The following NFIC variants were observed in gnomAD, a reference collection of about 807,000 sequenced individuals.
NFIC encodes the protein nuclear factor I C.
In NFIC, 12 loss-of-function variants were observed where a neutral mutation model predicts 54.4. The ratio of observed to expected loss-of-function variants is 0.22; its 90% CI spans 0.14 to 0.36. The LOEUF is 0.36. Among genes scored for constraint, NFIC ranks in the 10% least tolerant of loss-of-function variants. The pLI, the probability that NFIC is intolerant of heterozygous loss-of-function variation, is 1.00. For synonymous variants in NFIC, 322 were observed against 319.2 expected (o/e 1.01, Z -0.09); for missense variants, 575 against 718.2 (o/e 0.80, Z 2.28).
intron 9 of NFIC, among the ~76,000 whole-genome samples, chr19:3,454,772 C>T (rs2082526457): frequency 6.6e-6 from 1 of 151,534 alleles, no homozygotes; most frequent in Non-Finnish European, 1.5e-5. Flanking sequence ...AGACCCCCCA[C>T]CCCACCCAAG....
chr19:3,440,483 G>A (rs1034704557), intron 6 of NFIC, among the ~76,000 whole-genome samples: 3 of 151,628 alleles, frequency 2.0e-5, no homozygotes, highest in Admixed American at 2.0e-4. Flanking sequence ...CCAGGCTGGG[G>A]TGCAATGCGC....
chr19:3,389,757 T>C (rs1317019573), intron 2 of NFIC, among the ~76,000 whole-genome samples: 1 of 151,784 alleles, frequency 6.6e-6, no homozygotes, highest in Non-Finnish European at 1.5e-5. Flanking sequence ...CCCAGGCGGG[T>C]GGATCACCTG....
At chr19:3,438,800 G>C (rs995338056) in intron 6 of NFIC, among the ~76,000 whole-genome samples, 7 of 152,100 alleles carry the variant, frequency 4.6e-5, no homozygotes, top group African/African-American at 1.7e-4. Flanking sequence ...CTGAGGCCCT[G>C]GGGACACAGA....
At position 3,440,467 on chromosome 19, in the gene NFIC, G is replaced by A. The variant is rs903877821; in HGVS notation, c.958+5260G>A. 6.7e-5 allele frequency among the ~76,000 whole-genome samples: 10 copies of A among 149,992 alleles called. No individual in the cohort carries two copies. In the East Asian group the frequency reaches 1.8e-3, roughly 27 times the overall value. On this transcript the variant is annotated intron_variant, in intron 6 of 10. Coordinates refer to ENST00000443272, the MANE Select transcript of NFIC (RefSeq NM_001245002.2). Reference sequence around the variant, plus strand: ...TTTTGAGACGGAATCTCTCTCTGTCGCTCGCCCAGGCTGGGGTGCAATGCG... The same window carrying A: ...TTTTGAGACGGAATCTCTCTCTGTCACTCGCCCAGGCTGGGGTGCAATGCG...
chr19:3,436,464 C>T (rs2082205965), intron 6 of NFIC, among the ~76,000 whole-genome samples: 1 of 142,150 alleles, frequency 7.0e-6, no homozygotes, highest in South Asian at 2.3e-4. Flanking sequence ...ATGCCGGGCC[C>T]CTCTTATTTT....
chr19:3,425,209 C>T lies in NFIC; in HGVS notation c.634+32C>T, dbSNP rs567960274. ...CTGGGGGCAGCGTGGCGGTGAAGGGCGGAGGGCGCAGCCCTGTCCTCGTCT... is the reference window on the plus strand; with the variant it reads ...CTGGGGGCAGCGTGGCGGTGAAGGGTGGAGGGCGCAGCCCTGTCCTCGTCT... On this transcript the variant is annotated intron_variant, in intron 3 of 10. Coordinates refer to ENST00000443272, the MANE Select transcript of NFIC (RefSeq NM_001245002.2). 1.0e-5 allele frequency: 16 copies of T among 1,595,552 alleles called. No individual in the cohort carries two copies. The East Asian group carries it at 1.4e-4, about 13-fold the overall frequency.
chr19:3,404,363 C>T (rs1287221936), intron 2 of NFIC, among the ~76,000 whole-genome samples: 1 of 152,156 alleles, frequency 6.6e-6, no homozygotes, highest in Non-Finnish European at 1.5e-5. Flanking sequence ...TATTTTTAAC[C>T]TTGCTCCTCA....
chr19:3,361,395 G>T (rs866189746), intron 1 of NFIC, among the ~76,000 whole-genome samples: 1 of 152,140 alleles, frequency 6.6e-6, no homozygotes, highest in African/African-American at 2.4e-5. Context: ...ACCGGGACTG[G>T]TCCCGCAGTC....
At chr19:3,385,043 C>T (rs1290026215) in intron 2 of NFIC, among the ~76,000 whole-genome samples, 1 of 144,436 alleles carries the variant, frequency 6.9e-6, no homozygotes, top group East Asian at 2.2e-4. Context: ...CCCGCCTCTG[C>T]TCAGCAGGCA....
chr19:3,450,154 G>C (rs1029164189), intron 7 of NFIC, among the ~76,000 whole-genome samples: 2 of 151,388 alleles, frequency 1.3e-5, no homozygotes, highest in African/African-American at 4.9e-5. Flanking sequence ...GACCATCCTG[G>C]CTAACATGGT....
chr19:3,372,098 G>A (rs551987564), intron 1 of NFIC, among the ~76,000 whole-genome samples: 2 of 141,948 alleles, frequency 1.4e-5, no homozygotes, highest in East Asian at 2.2e-4. Flanking sequence ...TCAGCTCACT[G>A]CAACCTCCGC....
rs143359349 is a variant in NFIC at position 3,464,075 on chromosome 19, GC to G, written c.*1312del. On this transcript the variant is annotated 3_prime_UTR_variant, in exon 11 of 11. Coordinates refer to ENST00000443272, the MANE Select transcript of NFIC (RefSeq NM_001245002.2). The stretch of plus-strand genomic sequence containing the variant: ...GGGTGGGCTCTGGGGAAGCCGGTGC[GC>G]CCCCCACGCCTCCGCTGCCAGTGCC... 7 of 984,848 alleles carry G rather than the reference GC, an allele frequency of 7.1e-6. No homozygotes were observed. The highest frequency in any genetic ancestry group is 8.4e-6 in the Non-Finnish European group (7 of 829,720). The allele number at this position is 984,848 out of a possible 1,614,324, so 61.0% of individuals were successfully genotyped here.
rs551469624 is a variant in NFIC at position 3,359,663 on chromosome 19, C to A, written c.-20C>A. On this transcript the variant is annotated 5_prime_UTR_variant, in exon 1 of 10. Transcript: ENST00000395111. ...AGCGCGCTCGCTCCGGCGCCGGCCT[C>A]GCCTCCTCGCAGCAGCGCCATGGTA... The A allele has an allele frequency of 5.7e-5, 80 of 1,404,306 alleles. No homozygotes were observed. In the Middle Eastern group the frequency reaches 2.3e-3, roughly 40 times the overall value. The allele number at this position is 1,404,306 out of a possible 1,614,324, so 87.0% of individuals were successfully genotyped here.
At chr19:3,380,429 G>A (rs146180792) in intron 1 of NFIC, among the ~76,000 whole-genome samples, 3,437 of 143,224 alleles carry the variant, frequency 0.024, 122 homozygotes, top group African/African-American at 0.084. Flanking sequence ...AGGTTCAAGC[G>A]ATTCTCCTGT....
At chr19:3,430,733 AC>A (rs2082106211) in intron 3 of NFIC, among the ~76,000 whole-genome samples, 1 of 151,144 alleles carries the variant, frequency 6.6e-6, no homozygotes, top group African/African-American at 2.4e-5. Context: ...GGAGTTCGAG[AC>A]CAGCCGGACC....
rs145818844 is a variant in NFIC at position 3,459,391 on chromosome 19, G to A, written c.1509+2756G>A. On this transcript the variant is annotated intron_variant, in intron 10 of 10. Transcript: ENST00000443272. The surrounding 1 kb of genome is among the most constrained non-coding windows in gnomAD (Gnocchi z 4.2). ...TCTGACGCCCTGGCCCCTCCCCTCT[G>A]TGATGTCCTTCACGCCCCTACATTT... Among the ~76,000 whole-genome samples, 34 of 152,128 alleles carry A rather than the reference G, an allele frequency of 2.2e-4. No homozygotes were observed. The highest frequency in any genetic ancestry group is 4.1e-4 in the Non-Finnish European group (28 of 67,984).
intron 10 of NFIC, 147 bp from the exon 11 acceptor site, chr19:3,462,605 C>G (rs1032528321): frequency 2.2e-6 from 2 of 898,684 alleles, no homozygotes; most frequent in African/African-American, 3.3e-5. Flanking sequence ...GTTGTTAGAG[C>G]CTGGGATGGG....
intron 1 of NFIC, among the ~76,000 whole-genome samples, chr19:3,377,043 C>T (rs955153182): frequency 1.4e-5 from 2 of 146,902 alleles, no homozygotes; most frequent in African/African-American, 2.5e-5. Context: ...ACCCCCATCT[C>T]TTAAAAAAAA....
chr19:3,456,806 G>A, intron 10 of NFIC, 171 bp downstream of exon 10: 1 of 666,184 alleles, frequency 1.5e-6, no homozygotes, highest in Non-Finnish European at 2.6e-6. Flanking sequence ...CTCTCCCTGA[G>A]GCCAAATTTC....
Sources: allele counts gnomAD v4.1 joint callset (sites outside exome capture counted in the v4.1 genomes callset), GRCh38; gene constraint gnomAD v4.1.1; non-coding constraint Gnocchi (gnomAD v3.1); transcripts MANE v1.5; gene names NCBI Gene and HGNC (gene_info 2026-07-23, HGNC 2026-07-21).